Variants in B3GALT1 observed in about 807,000 individuals in gnomAD.
B3GALT1 encodes the protein beta-1,3-galactosyltransferase 1.
Under a neutral mutation model 23.2 loss-of-function variants are expected in B3GALT1, and 10 were observed. The ratio of observed to expected loss-of-function variants is 0.43; its 90% CI spans 0.27 to 0.73. The LOEUF (loss-of-function observed/expected upper bound fraction) is 0.73, where lower values mean the gene tolerates loss of function less well. Ranked by LOEUF, B3GALT1 falls within the 30% of genes least tolerant of loss-of-function variation. B3GALT1 has a pLI of 0.21. For missense variants in B3GALT1, 299 were observed against 405.4 expected, an observed-to-expected ratio of 0.74 and a Z score of 2.25; for synonymous variants, 156 against 141.5, an observed-to-expected ratio of 1.10 and a Z score of -0.73.
At chr2:167,513,670 G>T (rs759519560) in intron 2 of B3GALT1, among the ~76,000 whole-genome samples, 18 of 152,008 alleles carry the variant, frequency 1.2e-4, no homozygotes, top group Non-Finnish European at 2.4e-4. Context: ...ACCAAAATTA[G>T]CAAACTCTTA....
At chr2:167,424,354 T>G (rs1263243113) in intron 1 of B3GALT1, among the ~76,000 whole-genome samples, 1 of 152,196 alleles carries the variant, frequency 6.6e-6, no homozygotes, top group Non-Finnish European at 1.5e-5. Flanking sequence ...AAAATGGTGC[T>G]GACAATAATG....
chr2:167,401,014 A>C (rs925731010), intron 1 of B3GALT1, among the ~76,000 whole-genome samples: 17 of 152,210 alleles, frequency 1.1e-4, no homozygotes, highest in Non-Finnish European at 2.4e-4. Flanking sequence ...AGCTTAATTG[A>C]GTAGGCAGGT....
intron 4 of B3GALT1, among the ~76,000 whole-genome samples, chr2:167,831,040 T>C (rs1689342188): frequency 1.3e-5 from 2 of 152,200 alleles, no homozygotes; most frequent in Admixed American, 1.3e-4. Flanking sequence ...CCAAGTTCTC[T>C]ACAAAATCTA....
Position 167,762,588 on chromosome 2 carries a change from A to AT in B3GALT1, c.-351-56084_-351-56083insT, listed in dbSNP as rs1242471938. Among the ~76,000 whole-genome samples the AT allele has an allele frequency of 5.3e-5, 8 of 151,970 alleles. No individual in the cohort carries two copies. In the East Asian group the frequency reaches 5.8e-4, roughly 11 times the overall value. On this transcript the variant is annotated intron_variant, in intron 3 of 4. Coordinates refer to ENST00000392690, the MANE Select transcript of B3GALT1 (RefSeq NM_020981.4). ...GAAGTCTGGACCAAAAATAAAAAAAAAAAAAAAACACTAATGAACTGAAAA... is the reference window on the plus strand; with the variant it reads ...GAAGTCTGGACCAAAAATAAAAAAAATAAAAAAAACACTAATGAACTGAAAA...
intron 4 of B3GALT1, among the ~76,000 whole-genome samples, chr2:167,834,237 G>C (rs528294266): frequency 1.3e-5 from 2 of 152,298 alleles, no homozygotes; most frequent in African/African-American, 4.8e-5. Context: ...CTGGGTACAT[G>C]TAACAGTCTT....
At chr2:167,781,935 G>T (rs1247183156) in intron 3 of B3GALT1, among the ~76,000 whole-genome samples, 2 of 152,098 alleles carry the variant, frequency 1.3e-5, no homozygotes, top group South Asian at 4.1e-4. Context: ...TAGAAACGGG[G>T]TTTCACCATG....
At chr2:167,860,054 A>G (rs1388328662) in intron 4 of B3GALT1, among the ~76,000 whole-genome samples, 1 of 152,206 alleles carries the variant, frequency 6.6e-6, no homozygotes, top group Non-Finnish European at 1.5e-5. Context: ...CAGCATAATT[A>G]TAAGAGTGAG....
chr2:167,555,495 G>GAATTACCACAT (rs1211538012), intron 2 of B3GALT1, among the ~76,000 whole-genome samples: 3 of 152,074 alleles, frequency 2.0e-5, no homozygotes, highest in African/African-American at 7.2e-5. Context: ...ACTTGTCACT[G>GAATTACCACAT]AATTACCACA....
chr2:167,669,574 C>T (rs1047961234), intron 3 of B3GALT1, among the ~76,000 whole-genome samples: 1 of 152,122 alleles, frequency 6.6e-6, no homozygotes, highest in Admixed American at 6.6e-5. Flanking sequence ...AAATATCAAT[C>T]ATTAAATTTA....
chr2:167,831,951 G>C (rs1689363412), intron 4 of B3GALT1, among the ~76,000 whole-genome samples: 1 of 152,192 alleles, frequency 6.6e-6, no homozygotes, highest in Non-Finnish European at 1.5e-5. Flanking sequence ...TACAAAACAT[G>C]AATCTGTGGC....
chr2:167,529,347 A>G (rs1683280568), intron 2 of B3GALT1, among the ~76,000 whole-genome samples: 1 of 151,834 alleles, frequency 6.6e-6, no homozygotes, highest in African/African-American at 2.4e-5. Context: ...ATGTACCAAA[A>G]TACCATCTAT....
At chr2:167,722,814 C>T (rs1004511848) in intron 3 of B3GALT1, among the ~76,000 whole-genome samples, 2 of 152,030 alleles carry the variant, frequency 1.3e-5, no homozygotes, top group Non-Finnish European at 2.9e-5. Flanking sequence ...TTTAGTGAAC[C>T]GGGGACATAA....
chr2:167,501,329 A>C (rs1699844988), intron 2 of B3GALT1, among the ~76,000 whole-genome samples: 1 of 152,030 alleles, frequency 6.6e-6, no homozygotes, highest in South Asian at 2.1e-4. Flanking sequence ...GTATTAACTC[A>C]GTATTTAAAA....
At chr2:167,802,103 T>G (rs1390778871) in intron 3 of B3GALT1, among the ~76,000 whole-genome samples, 1 of 152,150 alleles carries the variant, frequency 6.6e-6, no homozygotes, top group Non-Finnish European at 1.5e-5. Flanking sequence ...CAGGGCACAG[T>G]TGGGTGGGAA....
At chr2:167,517,151 A>T (rs543899399) in intron 2 of B3GALT1, among the ~76,000 whole-genome samples, 4 of 151,968 alleles carry the variant, frequency 2.6e-5, no homozygotes, top group African/African-American at 9.7e-5. Flanking sequence ...AGAGACAAGC[A>T]GACTCTCCTC....
intron 2 of B3GALT1, among the ~76,000 whole-genome samples, chr2:167,501,475 CT>C (rs1418093600): frequency 1.3e-5 from 2 of 151,514 alleles, no homozygotes; most frequent in African/African-American, 4.8e-5. Flanking sequence ...TTTAAATATG[CT>C]TTTTAAAAAA....
chr2:167,482,083 G>A (rs1330456982), intron 1 of B3GALT1, among the ~76,000 whole-genome samples: 1 of 152,110 alleles, frequency 6.6e-6, no homozygotes, highest in South Asian at 2.1e-4. Flanking sequence ...GATTCTGTAA[G>A]TTTAAACAGC....
At chr2:167,693,869 C>A (rs1180583228) in intron 3 of B3GALT1, among the ~76,000 whole-genome samples, 1 of 152,150 alleles carries the variant, frequency 6.6e-6, no homozygotes, top group Non-Finnish European at 1.5e-5. Context: ...CACCCCATAA[C>A]ACAGAGGCTT....
chr2:167,766,608 A>G (rs1687980560), intron 3 of B3GALT1, among the ~76,000 whole-genome samples: 6 of 152,206 alleles, frequency 3.9e-5, no homozygotes, highest in Admixed American at 3.3e-4. Flanking sequence ...TAGACTTTTT[A>G]AGATTGGGAA....
Sources: gnomAD v4.1 joint callset for allele counts (sites outside exome capture counted in the v4.1 genomes callset) on GRCh38, gnomAD v4.1.1 for gene constraint, MANE v1.5 for transcripts, NCBI Gene and HGNC (gene_info 2026-07-23, HGNC 2026-07-21) for gene names.